RBFOX1: variants seen among roughly 807,000 people sequenced by gnomAD.
RBFOX1 encodes the protein RNA binding fox-1 homolog 1, also known as RNA binding protein fox-1 homolog 1.
In RBFOX1, 8 loss-of-function variants were observed where a neutral mutation model predicts 57.7. The ratio of observed to expected loss-of-function variants is 0.14; its 90% confidence interval spans 0.08 to 0.25. RBFOX1 has a LOEUF of 0.25. Ranked by LOEUF, RBFOX1 falls within the 10% of genes least tolerant of loss-of-function variation. The probability of loss-of-function intolerance (pLI) is 1.00; values close to 1 mark genes in which losing one functional copy is unlikely to be tolerated. For missense variants in RBFOX1, 611 were observed against 548.5 expected, an observed-to-expected ratio of 1.11 and a Z score of -1.14; for synonymous variants, 326 against 222.4, an observed-to-expected ratio of 1.47 and a Z score of -4.15.
intron 2 of RBFOX1, among the ~76,000 whole-genome samples, chr16:5,484,063 C>G (rs1404938128): frequency 6.6e-6 from 1 of 152,184 alleles, no homozygotes; most frequent in Non-Finnish European, 1.5e-5. Context: ...CCCAACTACT[C>G]AGGAAGCTGA....
intron 3 of RBFOX1, among the ~76,000 whole-genome samples, chr16:6,758,926 A>G (rs1299516702): frequency 6.6e-6 from 1 of 152,134 alleles, no homozygotes; most frequent in African/African-American, 2.4e-5. Flanking sequence ...CGGGGGGGAA[A>G]GAGTTTAGAA....
rs993267463 is a variant in RBFOX1, at chr16:5,340,186, T to G, written c.219+100081T>G. On this transcript the variant is annotated intron_variant, in intron 1 of 2. Coordinates refer to the RBFOX1 transcript ENST00000585867. ...AAGGCTGAATTATGACAAAAGACAG[T>G]TGCTTACATCTGGGGCTTTTATTCT... Among the ~76,000 whole-genome samples, 5 of 152,188 alleles carry G rather than the reference T, an allele frequency of 3.3e-5. No individual in the cohort carries two copies. In the South Asian group the frequency reaches 8.3e-4, roughly 25 times the overall value.
intron 2 of RBFOX1, among the ~76,000 whole-genome samples, chr16:6,484,241 C>T (rs1811311986): frequency 6.6e-6 from 1 of 152,252 alleles, no homozygotes; most frequent in South Asian, 2.1e-4. Flanking sequence ...AATGAATGGC[C>T]AGATGGGTTG....
At chr16:7,116,222 C>G (rs762386279) in intron 4 of RBFOX1, among the ~76,000 whole-genome samples, 27 of 152,136 alleles carry the variant, frequency 1.8e-4, no homozygotes, top group African/African-American at 6.5e-4. Context: ...CACCACCTTC[C>G]TGAATATATA....
chr16:7,239,763 C>T (rs2093961631), intron 4 of RBFOX1, among the ~76,000 whole-genome samples: 1 of 152,072 alleles, frequency 6.6e-6, no homozygotes, highest in African/African-American at 2.4e-5. Context: ...TTTGAATCAG[C>T]AGTAACTCAC....
At chr16:7,283,385 T>A (rs548910455) in intron 4 of RBFOX1, among the ~76,000 whole-genome samples, 53 of 152,170 alleles carry the variant, frequency 3.5e-4, no homozygotes, top group African/African-American at 1.2e-3. Flanking sequence ...CATGGATCAG[T>A]GTCCACCATG....
intron 1 of RBFOX1, among the ~76,000 whole-genome samples, chr16:5,359,584 T>C (rs982683657): frequency 6.6e-6 from 1 of 152,266 alleles, no homozygotes; most frequent in Non-Finnish European, 1.5e-5. Flanking sequence ...CATCTTTTCA[T>C]ATGCCTGTTT....
chr16:6,092,338 G>A (rs764110644), intron 1 of RBFOX1: 5 of 152,188 alleles, frequency 3.3e-5, no homozygotes, highest in Non-Finnish European at 7.3e-5. Context: ...CAGCAACCAT[G>A]GGAACACAGG....
intron 2 of RBFOX1, among the ~76,000 whole-genome samples, chr16:6,618,600 T>C (rs894104630): frequency 7.2e-5 from 11 of 152,174 alleles, no homozygotes; most frequent in Admixed American, 6.5e-4. Flanking sequence ...AGAATCAGAA[T>C]ACAGAAAGGT....
chr16:6,630,604 C>T (rs1470562170), intron 2 of RBFOX1, among the ~76,000 whole-genome samples: 2 of 152,160 alleles, frequency 1.3e-5, no homozygotes, highest in Non-Finnish European at 2.9e-5. Flanking sequence ...TTCAAGTCTC[C>T]TTGCTAGTAG....
chr16:5,279,950 C>A (rs1203679864), intron 1 of RBFOX1, among the ~76,000 whole-genome samples: 1 of 152,210 alleles, frequency 6.6e-6, no homozygotes. Context: ...TCTGATCACT[C>A]TGGCTTGGAT....
intron 4 of RBFOX1, among the ~76,000 whole-genome samples, chr16:7,457,704 G>A (rs1441898167): frequency 6.6e-6 from 1 of 152,052 alleles, no homozygotes; most frequent in Non-Finnish European, 1.5e-5. Context: ...TTCAGCCTAA[G>A]AGGGCCCTCC....
At chr16:6,525,663 C>G (rs998738421) in intron 2 of RBFOX1, among the ~76,000 whole-genome samples, 7 of 152,004 alleles carry the variant, frequency 4.6e-5, no homozygotes, top group Non-Finnish European at 7.4e-5. Flanking sequence ...GTCTCTACTT[C>G]CTAGATGGTG....
At chr16:6,609,764 C>T (rs186589170) in intron 2 of RBFOX1, among the ~76,000 whole-genome samples, 107 of 152,150 alleles carry the variant, frequency 7.0e-4, no homozygotes, top group African/African-American at 2.4e-3. Flanking sequence ...AATGCTAGCA[C>T]TTTGGGAGGC....
intron 2 of RBFOX1, among the ~76,000 whole-genome samples, chr16:6,558,956 C>G (rs546314771): frequency 1.3e-5 from 2 of 152,116 alleles, no homozygotes; most frequent in African/African-American, 2.4e-5. Flanking sequence ...TTTTACTTCT[C>G]CTTTCACTCT....
Position 6,913,398 on chromosome 16 carries a change from C to T in RBFOX1, c.-15-138659C>T, listed in dbSNP as rs142241306. On this transcript the variant is annotated intron_variant, in intron 3 of 15. Coordinates refer to ENST00000550418, the MANE Select transcript of RBFOX1 (RefSeq NM_018723.4). ...GGCCAAGAGCAGCTGCTGTCTCTTCCGGCAAGCCACGGCATTGTTTGAGAA... is the reference window on the plus strand; with the variant it reads ...GGCCAAGAGCAGCTGCTGTCTCTTCTGGCAAGCCACGGCATTGTTTGAGAA... Among the ~76,000 whole-genome samples, 780 of 152,186 alleles carry T rather than the reference C, an allele frequency of 5.1e-3. 1 individual carries two copies. Among genetic ancestry groups the T allele is most frequent in the Non-Finnish European group, 8.6e-3 (586 of 68,016 alleles).
intron 2 of RBFOX1, among the ~76,000 whole-genome samples, chr16:6,515,493 T>A (rs760038070): frequency 2.6e-4 from 39 of 152,210 alleles, no homozygotes; most frequent in Non-Finnish European, 2.9e-5. Flanking sequence ...CCACTTTGGG[T>A]CATACCCAAA....
At chr16:6,184,743 A>G (rs1008966808) in intron 1 of RBFOX1, among the ~76,000 whole-genome samples, 1 of 137,578 alleles carries the variant, frequency 7.3e-6, no homozygotes, top group Non-Finnish European at 1.6e-5. Context: ...TTTTTTTTGT[A>G]TTTTTAGTAG....
At chr16:7,216,651 C>G (rs541909824) in intron 4 of RBFOX1, among the ~76,000 whole-genome samples, 1 of 142,232 alleles carries the variant, frequency 7.0e-6, no homozygotes, top group African/African-American at 2.5e-5. Context: ...GAGTGAGACT[C>G]CGTCAAAATA....
Sources: allele counts gnomAD v4.1 joint callset (sites outside exome capture counted in the v4.1 genomes callset), GRCh38; gene constraint gnomAD v4.1.1; transcripts MANE v1.5; gene names NCBI Gene and HGNC (gene_info 2026-07-23, HGNC 2026-07-21).